The following CDH12 variants were observed in gnomAD, a reference collection of about 807,000 sequenced individuals.
The protein encoded by CDH12 is cadherin-12.
In CDH12, 41 loss-of-function variants were observed where a neutral mutation model predicts 74.1. That is an observed-to-expected ratio of 0.55 (90% confidence interval 0.43 to 0.72). The LOEUF (loss-of-function observed/expected upper bound fraction) is 0.72. CDH12 is among the 30% of genes least tolerant of loss of function. The pLI is 0.00. For synonymous variants in CDH12, 399 were observed against 355.0 expected (o/e 1.12, Z -1.39); for missense variants, 945 against 977.2 (o/e 0.97, Z 0.44).
At chr5:22,816,583 C>G (rs1352726958) in intron 1 of CDH12, among the ~76,000 whole-genome samples, 1 of 152,102 alleles carries the variant, frequency 6.6e-6, no homozygotes, top group Non-Finnish European at 1.5e-5. Flanking sequence ...TTGAGTAAAA[C>G]CATTTACTTG....
At chr5:21,844,398 G>A (rs571506539) in intron 7 of CDH12, among the ~76,000 whole-genome samples, 13 of 151,796 alleles carry the variant, frequency 8.6e-5, no homozygotes, top group African/African-American at 2.7e-4. Context: ...TGGAACAGCG[G>A]TACTTAAATG....
At chr5:22,051,410 T>G (rs1242520598) in intron 5 of CDH12, among the ~76,000 whole-genome samples, 1 of 152,194 alleles carries the variant, frequency 6.6e-6, no homozygotes, top group African/African-American at 2.4e-5. Context: ...ACATAATTTT[T>G]AACATATGTA....
chr5:22,573,708 C>T (rs1398563426), intron 1 of CDH12, among the ~76,000 whole-genome samples: 1 of 151,692 alleles, frequency 6.6e-6, no homozygotes, highest in Non-Finnish European at 1.5e-5. Flanking sequence ...TATTTTTTTT[C>T]TTACAGTTTT....
intron 6 of CDH12, among the ~76,000 whole-genome samples, chr5:21,974,370 A>T (rs1756975297): frequency 6.6e-6 from 1 of 152,204 alleles, no homozygotes; most frequent in South Asian, 2.1e-4. Flanking sequence ...TGGAATTCTT[A>T]ACTTACTGAC....
At chr5:22,718,890 C>CA (rs1342649997) in intron 1 of CDH12, among the ~76,000 whole-genome samples, 3 of 152,188 alleles carry the variant, frequency 2.0e-5, no homozygotes, top group Non-Finnish European at 4.4e-5. Flanking sequence ...GGAAGCTCTG[C>CA]ATGTGGATCT....
intron 3 of CDH12, among the ~76,000 whole-genome samples, chr5:22,271,282 C>T (rs1358461290): frequency 3.3e-5 from 5 of 152,102 alleles, no homozygotes; most frequent in Non-Finnish European, 5.9e-5. Context: ...TTTGCTCATC[C>T]GTTGGAAGCA....
intron 8 of CDH12, among the ~76,000 whole-genome samples, chr5:21,818,760 T>C (rs1037471427): frequency 1.3e-5 from 2 of 151,950 alleles, no homozygotes; most frequent in Non-Finnish European, 2.9e-5. Context: ...AAAGAGGGTA[T>C]GAGGAATCTT....
chr5:21,836,970 G>A lies in CDH12; in HGVS notation c.814+5191C>T, dbSNP rs1277473693. ...TTGAAGACCGTTTTCTGGGTTATCTGTAGGATCTTTTGGGGGAAAACACAG... is the reference window on the plus strand; with the variant it reads ...TTGAAGACCGTTTTCTGGGTTATCTATAGGATCTTTTGGGGGAAAACACAG... On this transcript the variant is annotated intron_variant, in intron 8 of 14. Transcript: ENST00000382254. Among the ~76,000 whole-genome samples, 8 of 152,012 alleles carry A rather than the reference G, an allele frequency of 5.3e-5. No homozygotes were observed. In the East Asian group the frequency reaches 1.2e-3, roughly 22 times the overall value.
chr5:21,811,687 AC>A (rs1462141774), intron 9 of CDH12, among the ~76,000 whole-genome samples: 1 of 143,412 alleles, frequency 7.0e-6, no homozygotes, highest in African/African-American at 2.6e-5. Flanking sequence ...TTGCTATAAC[AC>A]CCAACACCAT....
chr5:21,965,054 GAATTGCTTCT>G (rs567822307), intron 6 of CDH12, among the ~76,000 whole-genome samples: 51 of 152,098 alleles, frequency 3.4e-4, no homozygotes, highest in African/African-American at 1.2e-3. Context: ...TCATAGGAGT[GAATTGCTTCT>G]AATTCTGGCC....
intron 1 of CDH12, among the ~76,000 whole-genome samples, chr5:22,534,834 A>G (rs1209016241): frequency 6.6e-6 from 1 of 151,846 alleles, no homozygotes; most frequent in East Asian, 1.9e-4. Context: ...TAGTTCAAAC[A>G]GGGTAATTAG....
intron 3 of CDH12, among the ~76,000 whole-genome samples, chr5:22,233,774 A>C (rs148354687): frequency 0.012 from 1,888 of 152,310 alleles, 17 homozygotes; most frequent in Non-Finnish European, 0.02. Flanking sequence ...ATAAATTCCA[A>C]GACAACACAC....
chr5:22,720,396 C>G (rs756254731), intron 1 of CDH12, among the ~76,000 whole-genome samples: 1 of 152,156 alleles, frequency 6.6e-6, no homozygotes, highest in Non-Finnish European at 1.5e-5. Context: ...CCCATCCCTG[C>G]AGAACTGTGA....
At chr5:22,606,389 A>G (rs1254235334) in intron 1 of CDH12, among the ~76,000 whole-genome samples, 1 of 152,188 alleles carries the variant, frequency 6.6e-6, no homozygotes, top group Non-Finnish European at 1.5e-5. Flanking sequence ...TGTCCCCACA[A>G]AAATCTCACC....
At chr5:22,398,575 G>T (rs1468061109) in intron 3 of CDH12, among the ~76,000 whole-genome samples, 2 of 152,090 alleles carry the variant, frequency 1.3e-5, no homozygotes, top group Non-Finnish European at 2.9e-5. Flanking sequence ...AATAGACATT[G>T]TCAAATTATA....
intron 4 of CDH12, among the ~76,000 whole-genome samples, chr5:22,088,836 C>T (rs957442383): frequency 2.6e-5 from 4 of 152,098 alleles, no homozygotes; most frequent in Admixed American, 2.6e-4. Context: ...CACAGTAAGC[C>T]TTGCTTTCTT....
intron 6 of CDH12, among the ~76,000 whole-genome samples, chr5:21,936,988 C>T (rs1469449010): frequency 1.3e-5 from 2 of 152,258 alleles, no homozygotes; most frequent in East Asian, 1.9e-4. Context: ...ATTATCCATT[C>T]TCAGGTAGTA....
At position 22,290,002 on chromosome 5, in the gene CDH12, G is replaced by A. The variant is rs756771114; in HGVS notation, c.-332-77359C>T. 9.2e-5 allele frequency among the ~76,000 whole-genome samples: 14 copies of A among 152,170 alleles called. No individual in the cohort carries two copies. The East Asian group carries it at 1.2e-3, about 13-fold the overall frequency. On this transcript the variant is annotated intron_variant, in intron 3 of 14. Transcript: ENST00000382254. ...CAGCACTCAGTGGCAGGCAGTGAGCGCTACAATGAGCCCCAGGTATCTGGA... is the reference window on the plus strand; with the variant it reads ...CAGCACTCAGTGGCAGGCAGTGAGCACTACAATGAGCCCCAGGTATCTGGA...
intron 1 of CDH12, among the ~76,000 whole-genome samples, chr5:22,533,596 T>G (rs1580741024): frequency 6.6e-6 from 1 of 152,234 alleles, no homozygotes; most frequent in East Asian, 1.9e-4. Context: ...TTAAAGAAAC[T>G]TCATATTGAC....
Sources: allele counts gnomAD v4.1 joint callset (sites outside exome capture counted in the v4.1 genomes callset), GRCh38; gene constraint gnomAD v4.1.1; transcripts MANE v1.5; gene names NCBI Gene and HGNC (gene_info 2026-07-23, HGNC 2026-07-21).